Variants in MYO3B observed in about 807,000 individuals in gnomAD.
MYO3B encodes the protein myosin IIIB.
MYO3B carries 156 observed loss-of-function variants against 174.6 expected under a neutral mutation model. The ratio of observed to expected loss-of-function variants is 0.89; its 90% confidence interval spans 0.78 to 1.02. The LOEUF (loss-of-function observed/expected upper bound fraction) is 1.02, where lower values mean the gene tolerates loss of function less well. Ranked by LOEUF, MYO3B falls within the 50% of genes least tolerant of loss-of-function variation. The pLI is 0.00. For missense variants in MYO3B, 1,632 were observed against 1,639.4 expected (o/e 1.00, Z 0.08); for synonymous variants, 563 against 569.1 (o/e 0.99, Z 0.15).
intron 32 of MYO3B, among the ~76,000 whole-genome samples, chr2:170,563,861 A>G (rs920672912): frequency 2.0e-5 from 3 of 152,194 alleles, no homozygotes; most frequent in African/African-American, 7.2e-5. Flanking sequence ...TGATCTATTT[A>G]TATCTAATAG....
intron 25 of MYO3B, among the ~76,000 whole-genome samples, chr2:170,493,699 A>C (rs1056884294): frequency 5.3e-5 from 8 of 152,228 alleles, no homozygotes; most frequent in Non-Finnish European, 1.2e-4. Context: ...CCTAGGTCAT[A>C]AAACACATTG....
chr2:170,518,013 G>GTA (rs1491016107), intron 29 of MYO3B, among the ~76,000 whole-genome samples: 1 of 148,870 alleles, frequency 6.7e-6, no homozygotes, highest in Non-Finnish European at 1.5e-5. Flanking sequence ...GTGTGTGTGT[G>GTA]TAATAATAAA....
intron 21 of MYO3B, 58 bp downstream of exon 21, chr2:170,405,691 T>C: frequency 7.3e-7 from 1 of 1,376,998 alleles, no homozygotes; most frequent in Non-Finnish European, 1.0e-6. Flanking sequence ...GTGTCTGTAT[T>C]ACCCTGTCTG....
rs113529671 is a variant in MYO3B, at chr2:170,452,895, C to G, written c.2730+8849C>G. Among the ~76,000 whole-genome samples the G allele has an allele frequency of 3.3e-3, 500 of 152,262 alleles. 1 individual carries two copies. The highest frequency in any genetic ancestry group is 0.011 in the African/African-American group (470 of 41,562). On this transcript the variant is annotated intron_variant, in intron 23 of 34. Coordinates refer to ENST00000408978, the MANE Select transcript of MYO3B (RefSeq NM_138995.5). Reference sequence around the variant, plus strand: ...CTGATTTCCTAAGCGAAGAATTGAACCTAGGCTGCCATTGTCAAAAAAACA... The same window carrying G: ...CTGATTTCCTAAGCGAAGAATTGAAGCTAGGCTGCCATTGTCAAAAAAACA...
chr2:170,597,380 A>AG, intron 32 of MYO3B, among the ~76,000 whole-genome samples: 1 of 151,576 alleles, frequency 6.6e-6, no homozygotes, highest in African/African-American at 2.4e-5. Flanking sequence ...AAGAAAAAAA[A>AG]AAAAAAAAAA....
chr2:170,556,387 A>G (rs1195328474), intron 32 of MYO3B, among the ~76,000 whole-genome samples: 2 of 152,178 alleles, frequency 1.3e-5, no homozygotes, highest in African/African-American at 2.4e-5. Context: ...TGGTAAGAGT[A>G]TGTTTAGCTT....
intron 7 of MYO3B, among the ~76,000 whole-genome samples, chr2:170,278,132 AT>A (rs1450573724): frequency 3.3e-5 from 5 of 152,158 alleles, no homozygotes; most frequent in Admixed American, 6.6e-5. Context: ...ACAAAGCATT[AT>A]GATTATTTGG....
At chr2:170,200,547 C>CA (rs1401311773) in intron 3 of MYO3B, among the ~76,000 whole-genome samples, 1 of 152,146 alleles carries the variant, frequency 6.6e-6, no homozygotes, top group Non-Finnish European at 1.5e-5. Context: ...TAATTGAAAA[C>CA]ATTAATTTTC....
intron 32 of MYO3B, among the ~76,000 whole-genome samples, chr2:170,562,191 A>C (rs1236244730): frequency 6.6e-6 from 1 of 152,204 alleles, no homozygotes; most frequent in Non-Finnish European, 1.5e-5. Flanking sequence ...ATGTTTTCTG[A>C]GCCACTGTTA....
intron 6 of MYO3B, among the ~76,000 whole-genome samples, chr2:170,222,423 G>C (rs1030603566): frequency 6.6e-6 from 1 of 152,216 alleles, no homozygotes; most frequent in African/African-American, 2.4e-5. Flanking sequence ...CTGGAGGCTA[G>C]AAATCTGAAA....
At chr2:170,515,173 C>A in intron 29 of MYO3B, 151 bp downstream of exon 29, 1 of 643,412 alleles carries the variant, frequency 1.6e-6, no homozygotes, top group Non-Finnish European at 2.6e-6. Context: ...AAATTTAAGG[C>A]CAACCTTGCA....
At chr2:170,594,350 G>T (rs1355072517) in intron 32 of MYO3B, among the ~76,000 whole-genome samples, 1 of 152,152 alleles carries the variant, frequency 6.6e-6, no homozygotes. Context: ...GAAGAGAGCG[G>T]AGATGAGAGA....
chr2:170,487,949 A>T (rs1686170806), intron 25 of MYO3B, among the ~76,000 whole-genome samples: 3 of 152,230 alleles, frequency 2.0e-5, no homozygotes, highest in African/African-American at 7.2e-5. Context: ...CAAGGGGAAA[A>T]AAATAGAGAA....
In MYO3B at chr2:170,387,097, T is replaced by C; in HGVS notation, c.1375-9T>C. The C allele has an allele frequency of 1.9e-6, 3 of 1,613,794 alleles. No homozygotes were observed. Among genetic ancestry groups the C allele is most frequent in the Non-Finnish European group, 2.5e-6 (3 of 1,179,714 alleles). ...GAGTCTCTTCTTGACCGTTCTCTGT[T>C]TGGCACAGGCCAATAATCAGACCTT... On this transcript the variant is annotated splice_polypyrimidine_tract_variant and intron_variant, in intron 13 of 34. Transcript: ENST00000408978.
chr2:170,397,853 C>T (rs1383262768), intron 16 of MYO3B, among the ~76,000 whole-genome samples: 1 of 152,166 alleles, frequency 6.6e-6, no homozygotes, highest in East Asian at 1.9e-4. Flanking sequence ...ATTCCCTCCT[C>T]AGGTTGGATA....
Position 170,441,265 on chromosome 2 carries a change from C to T in MYO3B, c.2651-2702C>T, listed in dbSNP as rs140763282. Among the ~76,000 whole-genome samples, 652 of 152,290 alleles carry T rather than the reference C, an allele frequency of 4.3e-3. 4 individuals are homozygous for T. The highest frequency in any genetic ancestry group is 0.015 in the African/African-American group (637 of 41,566). On this transcript the variant is annotated intron_variant, in intron 22 of 34. Transcript: ENST00000408978. Reference sequence around the variant, plus strand: ...GATGTGGATGCCTTTCATTTCTTTTCCTTATCTAATTGCCCCAGCTAAGAC... The same window carrying T: ...GATGTGGATGCCTTTCATTTCTTTTTCTTATCTAATTGCCCCAGCTAAGAC...
intron 22 of MYO3B, among the ~76,000 whole-genome samples, chr2:170,421,870 G>C (rs1411834836): frequency 6.6e-6 from 1 of 152,138 alleles, no homozygotes. Flanking sequence ...GTTTTAATTT[G>C]TACTCTGCAA....
chr2:170,402,850 G>A lies in MYO3B; in HGVS notation c.2132G>A (p.Ser711Asn), dbSNP rs1330682776. The A allele has an allele frequency of 4.4e-6, 7 of 1,607,946 alleles. No individual in the cohort carries two copies. The South Asian group carries it at 6.6e-5, about 15-fold the overall frequency. Residue 711 changes from serine (S) to asparagine (N), a missense_variant and splice_region_variant, in exon 19 of 35, where the codon AGT becomes AAT. Physicochemically the swap from Ser to Asn is conservative, Grantham distance 46. Coordinates refer to ENST00000408978, the MANE Select transcript of MYO3B (RefSeq NM_138995.5). ...TLLQPDENICSAGGGMNVGIL... is the reference protein window; with the variant it reads ...TLLQPDENICNAGGGMNVGIL... ...TTTTGTTCTTCTCTCTCATGCAGTA[G>A]TGCAGGAGGTGGAATGAATGTGGGG... is the stretch of plus-strand genomic sequence containing the variant.
intron 32 of MYO3B, among the ~76,000 whole-genome samples, chr2:170,651,315 C>T (rs1698996895): frequency 6.6e-6 from 1 of 152,154 alleles, no homozygotes; most frequent in South Asian, 2.1e-4. Context: ...ACTAAGGGCA[C>T]CCTACTCTAT....
Sources: gnomAD v4.1 joint callset for allele counts (sites outside exome capture counted in the v4.1 genomes callset) on GRCh38, gnomAD v4.1.1 for gene constraint, MANE v1.5 for transcripts, NCBI Gene and HGNC (gene_info 2026-07-23, HGNC 2026-07-21) for gene names.